NTRK3: variants seen among roughly 807,000 people sequenced by gnomAD.
NTRK3 encodes neurotrophic receptor tyrosine kinase 3.
Under a neutral mutation model 91.7 loss-of-function variants are expected in NTRK3, and 24 were observed. The observed-to-expected ratio is 0.26, with a 90% CI of 0.19 to 0.37. NTRK3 has a LOEUF of 0.37. Ranked by LOEUF, NTRK3 falls within the 10% of genes least tolerant of loss-of-function variation. NTRK3 has a pLI of 1.00. For missense variants in NTRK3, 880 were observed against 1,068.9 expected (o/e 0.82, Z 2.46); for synonymous variants, 483 against 404.0 (o/e 1.20, Z -2.34).
intron 14 of NTRK3, among the ~76,000 whole-genome samples, chr15:87,954,679 C>A (rs556515342): frequency 6.6e-6 from 1 of 152,308 alleles, no homozygotes; most frequent in South Asian, 2.1e-4. Flanking sequence ...TCTAGCTGGC[C>A]AGGGTTTGGG....
intron 14 of NTRK3, among the ~76,000 whole-genome samples, chr15:88,006,078 A>T (rs2076464218): frequency 6.6e-6 from 1 of 152,192 alleles, no homozygotes; most frequent in Non-Finnish European, 1.5e-5. Flanking sequence ...TGTAATTTAC[A>T]GCATCTGTAG....
chr15:88,226,610 T>A (rs868245753), intron 3 of NTRK3, among the ~76,000 whole-genome samples: 5 of 152,178 alleles, frequency 3.3e-5, no homozygotes, highest in African/African-American at 1.2e-4. Context: ...CTGCCCTCCA[T>A]CCTGACATAC....
chr15:87,975,286 A>C (rs1350788931), intron 14 of NTRK3, among the ~76,000 whole-genome samples: 1 of 152,026 alleles, frequency 6.6e-6, no homozygotes, highest in African/African-American at 2.4e-5. Flanking sequence ...ACAAGATCTT[A>C]TTGGTACAGT....
intron 6 of NTRK3, among the ~76,000 whole-genome samples, chr15:88,145,731 G>A (rs1410604129): frequency 6.6e-6 from 1 of 152,128 alleles, no homozygotes; most frequent in Non-Finnish European, 1.5e-5. Context: ...TGCCATCCCT[G>A]GCCTCCTGAG....
chr15:88,100,831 G>A (rs938053046), intron 13 of NTRK3, among the ~76,000 whole-genome samples: 1 of 152,094 alleles, frequency 6.6e-6, no homozygotes, highest in Non-Finnish European at 1.5e-5. Context: ...AGCTGAAACT[G>A]GATCCCTTCC....
At chr15:87,966,764 AG>A (rs1362662205) in intron 14 of NTRK3, among the ~76,000 whole-genome samples, 1 of 152,178 alleles carries the variant, frequency 6.6e-6, no homozygotes, top group Non-Finnish European at 1.5e-5. Flanking sequence ...TGCAGGCTCC[AG>A]ATGGTCCCTT....
intron 3 of NTRK3, among the ~76,000 whole-genome samples, chr15:88,239,942 C>T (rs1289392423): frequency 1.3e-5 from 2 of 152,074 alleles, no homozygotes; most frequent in Admixed American, 6.5e-5. Context: ...GGGGTGGGGC[C>T]CAGCGGTCGG....
intron 3 of NTRK3, among the ~76,000 whole-genome samples, chr15:88,194,308 C>T (rs895906482): frequency 6.6e-6 from 1 of 152,234 alleles, no homozygotes; most frequent in South Asian, 2.1e-4. Flanking sequence ...GTGATCTCCC[C>T]CAAGTGCTCT....
intron 14 of NTRK3, among the ~76,000 whole-genome samples, chr15:88,015,371 T>C (rs1370728334): frequency 6.6e-6 from 1 of 152,078 alleles, no homozygotes; most frequent in South Asian, 2.1e-4. Flanking sequence ...CCTTCTCTGG[T>C]CACTCACCTC....
chr15:87,925,770 A>G (rs1316046776), intron 17 of NTRK3: 11 of 176,942 alleles, frequency 6.2e-5, no homozygotes, highest in Non-Finnish European at 9.7e-5. Flanking sequence ...CATTTTCCTG[A>G]GGTGGTCAAT....
At chr15:88,166,449 T>C (rs75007818) in intron 5 of NTRK3, among the ~76,000 whole-genome samples, 1,855 of 152,194 alleles carry the variant, frequency 0.012, 22 homozygotes, top group African/African-American at 0.042. Context: ...GTGGCAATGC[T>C]AGGGGAAGGT....
At chr15:88,102,080 A>G (rs2050233525) in intron 13 of NTRK3, among the ~76,000 whole-genome samples, 1 of 152,164 alleles carries the variant, frequency 6.6e-6, no homozygotes, top group African/African-American at 2.4e-5. Flanking sequence ...GGGTATCCCC[A>G]ACCACCAGAA....
intron 3 of NTRK3, among the ~76,000 whole-genome samples, chr15:88,191,945 C>A (rs899288894): frequency 6.6e-6 from 1 of 152,216 alleles, no homozygotes; most frequent in South Asian, 2.1e-4. Context: ...GGGGTTGGGA[C>A]GGCTTGTGCC....
intron 13 of NTRK3, among the ~76,000 whole-genome samples, chr15:88,114,736 C>T (rs926295711): frequency 2.6e-5 from 4 of 152,184 alleles, no homozygotes; most frequent in African/African-American, 9.6e-5. Context: ...TAATGGTTAT[C>T]CCAGTGGCAG....
chr15:88,033,176 T>TTATATATATATATATA lies in NTRK3; in HGVS notation c.1397-147_1397-132dup, dbSNP rs149279639. On this transcript the variant is annotated intron_variant, in intron 13 of 18. Coordinates refer to ENST00000394480, the Ensembl canonical transcript of NTRK3. ...CTTTTTTTTACTTTTGGGGGGTGTG[T>TTATATATATATATATA]TATATATATATATATATATATATAT... 511 of 195,784 alleles carry TTATATATATATATATA rather than the reference T, an allele frequency of 2.6e-3. 14 individuals are homozygous for TTATATATATATATATA. The highest frequency in any genetic ancestry group is 0.018 in the African/African-American group (285 of 16,144). The allele number at this position is 195,784 out of a possible 1,614,324, so 12.1% of individuals were successfully genotyped here.
At chr15:87,931,139 T>A in intron 16 of NTRK3, 2 of 484,700 alleles carry the variant, frequency 4.1e-6, no homozygotes, top group South Asian at 3.1e-5. Flanking sequence ...CCTCCTACTA[T>A]CTTCTTTCTC....
chr15:87,995,774 C>G (rs74457860), intron 14 of NTRK3, among the ~76,000 whole-genome samples: 2 of 152,184 alleles, frequency 1.3e-5, no homozygotes, highest in African/African-American at 4.8e-5. Flanking sequence ...CATACGGTCT[C>G]TGTTGCAGCT....
chr15:88,126,484 C>A (rs1334048407), intron 12 of NTRK3, 111 bp from the exon 13 acceptor site: 8 of 695,042 alleles, frequency 1.2e-5, no homozygotes, highest in Non-Finnish European at 1.8e-5. Context: ...GTAATTGTAG[C>A]CTTCTCAGAA....
At chr15:88,222,960 C>G (rs1466758042) in intron 3 of NTRK3, among the ~76,000 whole-genome samples, 2 of 152,166 alleles carry the variant, frequency 1.3e-5, no homozygotes, top group African/African-American at 4.8e-5. Context: ...TGGACTGCCT[C>G]ACACTGGGCT....
Sources: gnomAD v4.1 joint callset for allele counts (sites outside exome capture counted in the v4.1 genomes callset) on GRCh38, gnomAD v4.1.1 for gene constraint, MANE v1.5 for transcripts, NCBI Gene and HGNC (gene_info 2026-07-23, HGNC 2026-07-21) for gene names.